Variants in IQSEC3 observed in about 807,000 individuals in gnomAD.
IQSEC3 encodes IQ motif and Sec7 domain ArfGEF 3, also known as IQ motif and SEC7 domain-containing protein 3.
A neutral mutation model predicts 105.4 loss-of-function variants in IQSEC3; 50 were observed. The ratio of observed to expected loss-of-function variants is 0.47; its 90% confidence interval spans 0.38 to 0.60. The LOEUF (loss-of-function observed/expected upper bound fraction) is 0.60, where lower values mean the gene tolerates loss of function less well. IQSEC3 is among the 20% of genes least tolerant of loss of function. The pLI is 0.00. For synonymous variants in IQSEC3, 708 were observed against 746.0 expected (o/e 0.95, Z 0.83); for missense variants, 1,415 against 1,630.0 (o/e 0.87, Z 2.27).
At chr12:166,866 A>G (rs1391160716) in intron 11 of IQSEC3, 2 of 152,176 alleles carry the variant, frequency 1.3e-5, no homozygotes, top group Non-Finnish European at 2.9e-5. Flanking sequence ...TGACGCTGCA[A>G]GGTAGGTGCA....
chr12:102,351 T>C (rs1249150887), intron 2 of IQSEC3, among the ~76,000 whole-genome samples: 1 of 152,156 alleles, frequency 6.6e-6, no homozygotes, highest in Non-Finnish European at 1.5e-5. Flanking sequence ...GTGAATCAGG[T>C]GTCAGGACCT....
chr12:103,237 A>C (rs1864486914), intron 2 of IQSEC3, among the ~76,000 whole-genome samples: 1 of 151,270 alleles, frequency 6.6e-6, no homozygotes, highest in South Asian at 2.1e-4. Context: ...GCCTCCCAGC[A>C]TAGAGCCCAT....
At chr12:68,857 G>A (rs1363679200) in intron 1 of IQSEC3, among the ~76,000 whole-genome samples, 2 of 152,260 alleles carry the variant, frequency 1.3e-5, no homozygotes, top group African/African-American at 4.8e-5. Context: ...GATCTAAGAG[G>A]TGAAGGTCTA....
chr12:78,055 C>T (rs534600858), intron 1 of IQSEC3, among the ~76,000 whole-genome samples: 2,059 of 151,324 alleles, frequency 0.014, 20 homozygotes, highest in Non-Finnish European at 0.021. Context: ...CGCGCCCCCG[C>T]CGCCCCGCTG....
rs1866547356 is a variant in IQSEC3, at chr12:152,643, C to G, written c.2154-4382C>G. On this transcript the variant is annotated intron_variant, in intron 5 of 13. Coordinates refer to ENST00000538872, the MANE Select transcript of IQSEC3 (RefSeq NM_001170738.2). The surrounding 1 kb of genome is among the most constrained non-coding windows in gnomAD (Gnocchi z 4.8). ...ATAGTGAAGCACTTAGAGCCATACT[C>G]AGTACAGAGAGCTCAGAGGGAACTC... Among the ~76,000 whole-genome samples, 1 of 152,176 alleles carries G rather than the reference C, an allele frequency of 6.6e-6. No homozygotes were observed. The highest frequency in any genetic ancestry group is 6.5e-5 in the Admixed American group (1 of 15,278).
intron 11 of IQSEC3, 123 bp from the exon 12 acceptor site, chr12:168,890 C>T: frequency 1.2e-6 from 1 of 813,974 alleles, no homozygotes; most frequent in South Asian, 1.6e-5. Flanking sequence ...GTCCGTGTTT[C>T]ACAGCATGTA....
chr12:88,235 A>G (rs1269628374), intron 1 of IQSEC3, among the ~76,000 whole-genome samples: 1 of 152,242 alleles, frequency 6.6e-6, no homozygotes, highest in East Asian at 1.9e-4. Context: ...TGCCTTCTCC[A>G]TTCTCCTCTT....
intron 2 of IQSEC3, among the ~76,000 whole-genome samples, chr12:114,666 T>A (rs1467121169): frequency 6.6e-6 from 1 of 152,234 alleles, no homozygotes; most frequent in Middle Eastern, 3.2e-3. Flanking sequence ...AGCAACAGGC[T>A]GCCACAGTGA....
chr12:96,294 A>T (rs1864241764), intron 1 of IQSEC3, among the ~76,000 whole-genome samples: 1 of 152,246 alleles, frequency 6.6e-6, no homozygotes, highest in African/African-American at 2.4e-5. Context: ...GGTTAAAATG[A>T]GACGGTGTAA....
chr12:152,731 G>T lies in IQSEC3; in HGVS notation c.2154-4294G>T, dbSNP rs550022643. On this transcript the variant is annotated intron_variant, in intron 5 of 13. Coordinates refer to ENST00000538872, the MANE Select transcript of IQSEC3 (RefSeq NM_001170738.2). The surrounding 1 kb of genome is among the most constrained non-coding windows in gnomAD (Gnocchi z 4.8). Reference sequence around the variant, plus strand: ...CACACACAGGAGTGAAGAGAAGAGAGCCCAGTGGGGCAGGGAGAGGCCTCA... The same window carrying T: ...CACACACAGGAGTGAAGAGAAGAGATCCCAGTGGGGCAGGGAGAGGCCTCA... Among the ~76,000 whole-genome samples, 4 of 152,304 alleles carry T rather than the reference G, an allele frequency of 2.6e-5. No homozygotes were observed. The East Asian group carries it at 7.7e-4, about 29-fold the overall frequency.
chr12:111,768 C>T (rs1251523247), intron 2 of IQSEC3: 1 of 152,208 alleles, frequency 6.6e-6, no homozygotes, highest in African/African-American at 2.4e-5. Flanking sequence ...GAGTGGGACA[C>T]ATCTCCCCTG....
intron 1 of IQSEC3, among the ~76,000 whole-genome samples, chr12:83,892 C>T (rs1016024781): frequency 2.6e-5 from 4 of 152,094 alleles, no homozygotes; most frequent in African/African-American, 7.2e-5. Flanking sequence ...GCTGTGTGCT[C>T]GACATTGCTG....
At chr12:171,505 A>T in intron 13 of IQSEC3, 1 of 613,020 alleles carries the variant, frequency 1.6e-6, no homozygotes, top group Non-Finnish European at 2.9e-6. Context: ...CTCACTGCTC[A>T]CTGCTCCCCC....
intron 1 of IQSEC3, among the ~76,000 whole-genome samples, chr12:89,838 G>T (rs1269303444): frequency 2.0e-5 from 3 of 152,214 alleles, no homozygotes; most frequent in Non-Finnish European, 4.4e-5. Flanking sequence ...TTATCCATTT[G>T]CCAGTTAGTG....
At chr12:76,356 G>C (rs1483338157) in intron 1 of IQSEC3, among the ~76,000 whole-genome samples, 1 of 152,260 alleles carries the variant, frequency 6.6e-6, no homozygotes, top group African/African-American at 2.4e-5. Context: ...TGGTGCGCAG[G>C]CGTTTGTGGA....
chr12:157,443 C>T, intron 6 of IQSEC3, 85 bp from the exon 7 acceptor site: 1 of 1,426,676 alleles, frequency 7.0e-7, no homozygotes, highest in South Asian at 1.4e-5. Flanking sequence ...AGCTGGGATA[C>T]CCCCTGGACA....
At chr12:107,214 T>C (rs1392519912) in intron 2 of IQSEC3, among the ~76,000 whole-genome samples, 5 of 152,254 alleles carry the variant, frequency 3.3e-5, no homozygotes, top group African/African-American at 1.2e-4. Flanking sequence ...GGGTATAATT[T>C]GTTCTAAGAT....
At position 138,831 on chromosome 12, in the gene IQSEC3, G is replaced by C; in HGVS notation, c.1468G>C (p.Val490Leu). ...TLMMAFRDVT[V>L]QIANQNISVS... ...CATGATGGCTTTCCGGGACGTCACG[G>C]TGCAGATCGCCAACCAGAACATATC... The change falls in exon 4 of 14, where the codon GTG becomes CTG. Residue 490 changes from valine (V) to leucine (L), a missense_variant. Physicochemically the swap from Val to Leu is conservative, Grantham distance 32 (BLOSUM62 1). Coordinates refer to ENST00000538872, the MANE Select transcript of IQSEC3 (RefSeq NM_001170738.2). This position sits in a 1 kb window ranked among gnomAD's most constrained non-coding sequence, Gnocchi z 7.1. 1 of 1,611,900 alleles carries C rather than the reference G, an allele frequency of 6.2e-7. No individual in the cohort carries two copies. The highest frequency in any genetic ancestry group is 2.2e-5 in the East Asian group (1 of 44,814).
rs899344303 is a variant in IQSEC3, at chr12:94,606, G to A, written c.555-4540G>A. ...CAGCAGAAGCCCCAACAGCACTGCC[G>A]GCCCAAGCCCAAGGTGCTGCAGGTC... On this transcript the variant is annotated intron_variant, in intron 1 of 13. Transcript: ENST00000538872. Among the ~76,000 whole-genome samples, 11 of 152,198 alleles carry A rather than the reference G, an allele frequency of 7.2e-5. 1 individual carries two copies. Among genetic ancestry groups the A allele is most frequent in the African/African-American group, 2.4e-4 (10 of 41,450 alleles).
Sources: allele counts gnomAD v4.1 joint callset (sites outside exome capture counted in the v4.1 genomes callset), GRCh38; gene constraint gnomAD v4.1.1; non-coding constraint Gnocchi (gnomAD v3.1); transcripts MANE v1.5; gene names NCBI Gene and HGNC (gene_info 2026-07-23, HGNC 2026-07-21).